The following TENM3 variants were observed in gnomAD, a reference collection of about 807,000 sequenced individuals.
TENM3 encodes teneurin transmembrane protein 3.
Under a neutral mutation model 255.1 loss-of-function variants are expected in TENM3, and 63 were observed. The observed-to-expected ratio is 0.25, with a 90% CI of 0.20 to 0.30. TENM3 has a LOEUF of 0.30. Ranked by LOEUF, TENM3 falls within the 10% of genes least tolerant of loss-of-function variation. TENM3 has a pLI of 1.00. For synonymous variants in TENM3, 1,306 were observed against 1,322.3 expected (o/e 0.99, Z 0.27); for missense variants, 2,929 against 3,461.1 (o/e 0.85, Z 3.86).
chr4:182,795,493 T>C (rs1766434744), intron 26 of TENM3, among the ~76,000 whole-genome samples: 2 of 152,134 alleles, frequency 1.3e-5, no homozygotes, highest in Non-Finnish European at 2.9e-5. Flanking sequence ...CCACCACTAC[T>C]ACCACCCCAT....
rs113677590 is a variant in TENM3 at position 182,502,906 on chromosome 4, C to T, written c.512-98018C>T. Among the ~76,000 whole-genome samples, 17 of 129,820 alleles carry T rather than the reference C, an allele frequency of 1.3e-4. 1 individual carries two copies. The highest frequency in any genetic ancestry group is 5.0e-4 in the African/African-American group (17 of 33,786). The allele number at this position is 129,820 out of a possible 152,430, so 85.2% of individuals were successfully genotyped here. ...TCACTGTTTTGTGATTGGATGAAGT[C>T]AGCCTTTTTTTTTTTTTTTTTTTTT... On this transcript the variant is annotated intron_variant, in intron 3 of 27. Coordinates refer to ENST00000511685, the MANE Select transcript of TENM3 (RefSeq NM_001080477.4).
chr4:182,724,717 C>G (rs950663668), intron 13 of TENM3, among the ~76,000 whole-genome samples: 1 of 152,216 alleles, frequency 6.6e-6, no homozygotes, highest in Non-Finnish European at 1.5e-5. Flanking sequence ...AGGGAAGACA[C>G]TGGCAGCATT....
chr4:181,895,894 A>C, the TENM3 span, among the ~76,000 whole-genome samples: 1 of 151,992 alleles, frequency 6.6e-6, no homozygotes, highest in Non-Finnish European at 1.5e-5. Flanking sequence ...CCCGCCTCAA[A>C]GTTTATTTTA....
Position 182,191,573 on chromosome 4 carries a change from G to T in TENM3, c.-76+46819G>T, listed in dbSNP as rs78080442. Among the ~76,000 whole-genome samples, 395 of 151,686 alleles carry T rather than the reference G, an allele frequency of 2.6e-3. 1 individual carries two copies. The highest frequency in any genetic ancestry group is 8.8e-3 in the African/African-American group (365 of 41,376). On this transcript the variant is annotated intron_variant, in intron 1 of 2. Coordinates refer to the TENM3 transcript ENST00000512480. Reference sequence around the variant, plus strand: ...TTAGTTTTATCTAGAATTTTTTTTTGATTCTTTTAGGATGGTTAGAGCCTA... The same window carrying T: ...TTAGTTTTATCTAGAATTTTTTTTTTATTCTTTTAGGATGGTTAGAGCCTA...
At chr4:182,276,580 CT>C (rs1176405040) in intron 1 of TENM3, among the ~76,000 whole-genome samples, 1 of 152,188 alleles carries the variant, frequency 6.6e-6, no homozygotes, top group Admixed American at 6.5e-5. Context: ...CATCAAAGGT[CT>C]TTTCCCACTG....
intron 3 of TENM3, among the ~76,000 whole-genome samples, chr4:182,466,304 T>C (rs1032162217): frequency 2.0e-5 from 3 of 152,170 alleles, no homozygotes; most frequent in Non-Finnish European, 4.4e-5. Context: ...CTCTGAATAC[T>C]CTAGGGAAGA....
At chr4:182,387,957 A>G (rs1385113470) in intron 3 of TENM3, among the ~76,000 whole-genome samples, 2 of 148,246 alleles carry the variant, frequency 1.3e-5, no homozygotes, top group African/African-American at 4.9e-5. Context: ...AAAAAAAACC[A>G]ACAAACGAAA....
At chr4:181,630,376 G>A in the TENM3 span, among the ~76,000 whole-genome samples, 4 of 151,914 alleles carry the variant, frequency 2.6e-5, no homozygotes, top group East Asian at 1.9e-4. Flanking sequence ...ATTGCCTTCC[G>A]CTAGCTTTTG....
the TENM3 span, chr4:181,975,009 A>C: frequency 6.6e-6 from 1 of 151,932 alleles, no homozygotes; most frequent in African/African-American, 2.4e-5. Flanking sequence ...GTTCCCACTT[A>C]TGTGTAAGAA....
chr4:182,181,343 G>A (rs1489172745), intron 1 of TENM3, among the ~76,000 whole-genome samples: 2 of 152,060 alleles, frequency 1.3e-5, no homozygotes, highest in African/African-American at 4.8e-5. Flanking sequence ...GAATGAGAAC[G>A]GTCCCCAAAT....
the TENM3 span, among the ~76,000 whole-genome samples, chr4:181,739,285 A>G: frequency 6.6e-6 from 1 of 152,286 alleles, no homozygotes; most frequent in East Asian, 1.9e-4. Flanking sequence ...TGATTGTCCA[A>G]ATGTCGAAAC....
chr4:181,565,986 G>A, the TENM3 span, among the ~76,000 whole-genome samples: 1 of 151,988 alleles, frequency 6.6e-6, no homozygotes, highest in Non-Finnish European at 1.5e-5. Context: ...ATTGTTCTAA[G>A]TTGGAAAAAA....
At chr4:181,655,879 G>A in the TENM3 span, among the ~76,000 whole-genome samples, 5 of 152,198 alleles carry the variant, frequency 3.3e-5, no homozygotes, top group Non-Finnish European at 7.3e-5. Context: ...ATTAGTCAGA[G>A]GAGTGTCCAC....
intron 3 of TENM3, among the ~76,000 whole-genome samples, chr4:182,384,005 C>T (rs1327636316): frequency 1.3e-5 from 2 of 152,184 alleles, no homozygotes; most frequent in South Asian, 2.1e-4. Context: ...CTCCCCGCTT[C>T]GGTCAGTTTT....
the TENM3 span, among the ~76,000 whole-genome samples, chr4:181,909,443 A>G: frequency 6.6e-6 from 1 of 152,102 alleles, no homozygotes. Context: ...GTCCCTACTC[A>G]GCTCATCTAG....
the TENM3 span, among the ~76,000 whole-genome samples, chr4:181,894,733 G>GAAAA: frequency 7.3e-6 from 1 of 137,200 alleles, no homozygotes. Flanking sequence ...GTCAGTGGCA[G>GAAAA]AAAAAAAAAA....
At chr4:182,537,587 G>A (rs992571447) in intron 3 of TENM3, among the ~76,000 whole-genome samples, 6 of 152,104 alleles carry the variant, frequency 3.9e-5, no homozygotes, top group Admixed American at 3.3e-4. Context: ...CTTAACATTT[G>A]CATGTAGAAT....
At chr4:182,469,077 A>G (rs531176518) in intron 3 of TENM3, among the ~76,000 whole-genome samples, 7 of 152,226 alleles carry the variant, frequency 4.6e-5, no homozygotes, top group Non-Finnish European at 8.8e-5. Context: ...AGGGTCATCA[A>G]CTGATTTTTG....
chr4:182,201,237 C>T (rs746387941), intron 1 of TENM3, among the ~76,000 whole-genome samples: 3 of 152,158 alleles, frequency 2.0e-5, no homozygotes, highest in Non-Finnish European at 4.4e-5. Flanking sequence ...TGGTGTCTCA[C>T]TCAAGGAACC....
Sources: allele counts gnomAD v4.1 joint callset (sites outside exome capture counted in the v4.1 genomes callset), GRCh38; gene constraint gnomAD v4.1.1; transcripts MANE v1.5; gene names NCBI Gene and HGNC (gene_info 2026-07-23, HGNC 2026-07-21).